PCCA: variants seen among roughly 807,000 people sequenced by gnomAD.
The protein encoded by PCCA is propionyl-CoA carboxylase alpha chain, mitochondrial.
Under a neutral mutation model 101.3 loss-of-function variants are expected in PCCA, and 74 were observed. The ratio of observed to expected loss-of-function variants is 0.73; its 90% CI spans 0.61 to 0.89. The LOEUF is 0.89. Ranked by LOEUF, PCCA falls within the 40% of genes least tolerant of loss-of-function variation. The pLI, the probability that PCCA is intolerant of heterozygous loss-of-function variation, is 0.00. For synonymous variants in PCCA, 294 were observed against 313.6 expected, an observed-to-expected ratio of 0.94 and a Z score of 0.66; for missense variants, 891 against 907.0, an observed-to-expected ratio of 0.98 and a Z score of 0.23.
intron 20 of PCCA, among the ~76,000 whole-genome samples, chr13:100,444,431 CTTTTTTTTTTTTTTTTTTTT>C (rs57941571): frequency 4.4e-5 from 2 of 45,458 alleles, no homozygotes; most frequent in African/African-American, 2.0e-4. Flanking sequence ...TTTGAACAAC[CTTTTTTTTTTTTTTTTTTTT>C]TTTTTTTTTG....
intron 6 of PCCA, among the ~76,000 whole-genome samples, chr13:100,182,098 C>CTTTTTT (rs558498604): frequency 2.8e-4 from 30 of 105,450 alleles, no homozygotes; most frequent in Non-Finnish European, 4.0e-4. Context: ...TTTTCTTTTT[C>CTTTTTT]TTTTTTTTTT....
At chr13:100,124,413 C>T (rs2049743005) in intron 4 of PCCA, among the ~76,000 whole-genome samples, 1 of 152,154 alleles carries the variant, frequency 6.6e-6, no homozygotes, top group Admixed American at 6.5e-5. Context: ...CACTGTGACT[C>T]ACATCTTACC....
chr13:100,200,016 A>G (rs1184770469), intron 6 of PCCA, among the ~76,000 whole-genome samples: 1 of 152,134 alleles, frequency 6.6e-6, no homozygotes, highest in African/African-American at 2.4e-5. Context: ...TTGACCTCAT[A>G]ATCTTCTCTA....
At chr13:100,206,494 A>C (rs1419061313) in intron 6 of PCCA, among the ~76,000 whole-genome samples, 1 of 152,166 alleles carries the variant, frequency 6.6e-6, no homozygotes, top group Non-Finnish European at 1.5e-5. Flanking sequence ...TCCTGACCTC[A>C]GGTGATCTGC....
Position 100,159,749 on chromosome 13 carries a change from A to G in PCCA, c.468+2409A>G, listed in dbSNP as rs371027716. ...CAGTGCTGTGCCTCCACCCAGCCTGACTGTGCGCTGCTCCCATGCGTGGCT... is the reference window on the plus strand; with the variant it reads ...CAGTGCTGTGCCTCCACCCAGCCTGGCTGTGCGCTGCTCCCATGCGTGGCT... On this transcript the variant is annotated intron_variant, in intron 6 of 23. Transcript: ENST00000376285. Among the ~76,000 whole-genome samples, 7 of 152,076 alleles carry G rather than the reference A, an allele frequency of 4.6e-5. No individual in the cohort carries two copies. In the East Asian group the frequency reaches 1.2e-3, roughly 25 times the overall value.
At chr13:100,414,186 CATT>C (rs1467315462) in intron 19 of PCCA, among the ~76,000 whole-genome samples, 2 of 152,134 alleles carry the variant, frequency 1.3e-5, no homozygotes, top group African/African-American at 2.4e-5. Context: ...TCTTCACTAT[CATT>C]ATGTGTAATT....
At chr13:100,184,891 C>T (rs2057118488) in intron 6 of PCCA, among the ~76,000 whole-genome samples, 1 of 152,028 alleles carries the variant, frequency 6.6e-6, no homozygotes, top group South Asian at 2.1e-4. Context: ...TGTTATAGAG[C>T]TTTCTGTCTT....
chr13:100,254,234 G>T (rs1043577258), intron 8 of PCCA, among the ~76,000 whole-genome samples: 8 of 152,058 alleles, frequency 5.3e-5, no homozygotes, highest in Non-Finnish European at 8.8e-5. Context: ...GTCACCTCCC[G>T]CCAGGTCCCT....
intron 4 of PCCA, among the ~76,000 whole-genome samples, chr13:100,148,856 AT>A (rs1467141375): frequency 2.6e-5 from 4 of 152,180 alleles, no homozygotes; most frequent in African/African-American, 9.7e-5. Flanking sequence ...GTAGTTTAAA[AT>A]TTTACCACTT....
At chr13:100,117,820 A>G (rs1245891075) in intron 4 of PCCA, among the ~76,000 whole-genome samples, 5 of 152,216 alleles carry the variant, frequency 3.3e-5, no homozygotes, top group South Asian at 4.1e-4. Context: ...TGGACAGGAA[A>G]AAGAAAAAAA....
chr13:100,302,577 T>C (rs768237604), intron 13 of PCCA, among the ~76,000 whole-genome samples: 2 of 152,180 alleles, frequency 1.3e-5, no homozygotes, highest in Non-Finnish European at 2.9e-5. Flanking sequence ...ATATCTTTAG[T>C]ATACCACATT....
intron 22 of PCCA, among the ~76,000 whole-genome samples, chr13:100,526,983 C>T (rs1275458167): frequency 6.6e-6 from 1 of 152,202 alleles, no homozygotes; most frequent in Non-Finnish European, 1.5e-5. Flanking sequence ...TGCCTTGTGC[C>T]TTGTTGTGGG....
intron 16 of PCCA, among the ~76,000 whole-genome samples, chr13:100,313,083 C>T (rs1337807281): frequency 2.0e-5 from 3 of 151,976 alleles, no homozygotes; most frequent in Non-Finnish European, 4.4e-5. Flanking sequence ...TTGATATTTG[C>T]TTTCTCTATT....
At chr13:100,091,855 G>A (rs1470229737) in intron 1 of PCCA, among the ~76,000 whole-genome samples, 4 of 152,166 alleles carry the variant, frequency 2.6e-5, no homozygotes, top group Admixed American at 2.6e-4. Flanking sequence ...AGTGGCTCTA[G>A]GATGTTGGTT....
intron 18 of PCCA, among the ~76,000 whole-genome samples, chr13:100,350,854 T>C (rs1459686993): frequency 6.6e-6 from 1 of 152,324 alleles, no homozygotes; most frequent in Non-Finnish European, 1.5e-5. Context: ...CCATTGCCAT[T>C]GGAGAATTGA....
chr13:100,463,335 GGTTT>G (rs2082293628), intron 21 of PCCA, among the ~76,000 whole-genome samples: 4 of 121,890 alleles, frequency 3.3e-5, no homozygotes, highest in Admixed American at 3.0e-4. Context: ...TTATTGGTGT[GGTTT>G]TTTTTTTTTT....
At chr13:100,388,680 C>T (rs2076649171) in intron 19 of PCCA, among the ~76,000 whole-genome samples, 1 of 152,132 alleles carries the variant, frequency 6.6e-6, no homozygotes, top group South Asian at 2.1e-4. Context: ...CCTGTAGTCC[C>T]AGCTACTTGG....
intron 1 of PCCA, among the ~76,000 whole-genome samples, chr13:100,090,229 G>C (rs2046153996): frequency 6.6e-6 from 1 of 152,204 alleles, no homozygotes; most frequent in African/African-American, 2.4e-5. Context: ...CGAGCCCCAG[G>C]TGGGCAGTAT....
At chr13:100,466,656 G>C (rs1448536956) in intron 21 of PCCA, among the ~76,000 whole-genome samples, 1 of 152,142 alleles carries the variant, frequency 6.6e-6, no homozygotes, top group Non-Finnish European at 1.5e-5. Flanking sequence ...TCACGAGTTT[G>C]AGACCAGCCT....
Sources: allele counts gnomAD v4.1 joint callset (sites outside exome capture counted in the v4.1 genomes callset), GRCh38; gene constraint gnomAD v4.1.1; transcripts MANE v1.5; gene names NCBI Gene and HGNC (gene_info 2026-07-23, HGNC 2026-07-21).